The following GARIN2 variants were observed in gnomAD, a reference collection of about 807,000 sequenced individuals.
GARIN2 encodes the protein Golgi-associated RAB2 interactor protein 2.
chr14:67,195,639 ATATAT>A, the GARIN2 span, among the ~76,000 whole-genome samples: 3 of 152,040 alleles, frequency 2.0e-5, no homozygotes, highest in African/African-American at 7.3e-5. Context: ...CAATTATAAG[ATATAT>A]TATTATTTTA....
the GARIN2 span, among the ~76,000 whole-genome samples, chr14:67,206,767 G>A: frequency 6.6e-6 from 1 of 151,784 alleles, no homozygotes; most frequent in Non-Finnish European, 1.5e-5. Flanking sequence ...GTCTCACTCC[G>A]TTGCCCAGGC....
the GARIN2 span, among the ~76,000 whole-genome samples, chr14:67,202,225 G>A: frequency 8.5e-5 from 13 of 152,320 alleles, no homozygotes; most frequent in South Asian, 2.1e-4. Flanking sequence ...TGGATCACCC[G>A]AGGTCAGGAG....
chr14:67,210,570 T>C, the GARIN2 span, among the ~76,000 whole-genome samples: 1 of 152,168 alleles, frequency 6.6e-6, no homozygotes, highest in Non-Finnish European at 1.5e-5. Context: ...TTGGGCATAG[T>C]TGATGATAAA....
chr14:67,227,823 G>A, the GARIN2 span: 1 of 152,104 alleles, frequency 6.6e-6, no homozygotes, highest in Non-Finnish European at 1.5e-5. Flanking sequence ...CATCCTGAAT[G>A]GACAGGTTTT....
the GARIN2 span, among the ~76,000 whole-genome samples, chr14:67,192,845 T>G: frequency 7.5e-5 from 11 of 146,266 alleles, no homozygotes; most frequent in Non-Finnish European, 1.5e-4. Context: ...TATATATCTA[T>G]ATATAGATAT....
At chr14:67,216,254 C>A in the GARIN2 span, among the ~76,000 whole-genome samples, 1 of 152,054 alleles carries the variant, frequency 6.6e-6, no homozygotes, top group Non-Finnish European at 1.5e-5. Context: ...AGGATTTTGT[C>A]ATCTATATTC....
chr14:67,205,239 T>A, the GARIN2 span: 1 of 773,654 alleles, frequency 1.3e-6, no homozygotes, highest in Non-Finnish European at 2.0e-6. Context: ...AGATTAAATC[T>A]CTGAACCCTG....
the GARIN2 span, among the ~76,000 whole-genome samples, chr14:67,225,968 CGCGCGCGTGCGCAT>C: frequency 2.1e-3 from 164 of 78,922 alleles, no homozygotes; most frequent in African/African-American, 6.3e-3. Context: ...TGTGTGCGCG[CGCGCGCGTGCGCAT>C]GCGCGTGCAT....
the GARIN2 span, among the ~76,000 whole-genome samples, chr14:67,225,443 G>A: frequency 6.6e-6 from 1 of 152,158 alleles, no homozygotes; most frequent in South Asian, 2.1e-4. Context: ...TCCATCATGG[G>A]TCAAAAGATA....
chr14:67,198,419 G>C, the GARIN2 span: 1 of 1,152,862 alleles, frequency 8.7e-7, no homozygotes, highest in Non-Finnish European at 1.2e-6. Flanking sequence ...TAAATGTGCC[G>C]AGGGAATGTG....
chr14:67,209,144 CAAAAATATTTATGAGCACTTCCTATG>C, the GARIN2 span, among the ~76,000 whole-genome samples: 1 of 152,134 alleles, frequency 6.6e-6, no homozygotes. Flanking sequence ...GTGATTCACT[CAAAAATATTTATGAGCACTTCCTATG>C]CACTAGGCAT....
At chr14:67,225,219 A>C in the GARIN2 span, 2 of 1,529,628 alleles carry the variant, frequency 1.3e-6, no homozygotes, top group Non-Finnish European at 8.7e-7. Context: ...GAAAAGTAAA[A>C]CAGAAAAAGA....
chr14:67,224,134 C>T, the GARIN2 span, among the ~76,000 whole-genome samples: 2 of 152,210 alleles, frequency 1.3e-5, no homozygotes, highest in East Asian at 3.9e-4. Context: ...TTTTTTTCTC[C>T]TTTTCTGCAT....
chr14:67,204,491 C>T, the GARIN2 span: 1 of 1,540,954 alleles, frequency 6.5e-7, no homozygotes, highest in East Asian at 2.3e-5. Context: ...TTTTTATAAG[C>T]CTCCCATCAG....
chr14:67,206,117 G>A, the GARIN2 span, among the ~76,000 whole-genome samples: 6 of 152,166 alleles, frequency 3.9e-5, no homozygotes, highest in Non-Finnish European at 8.8e-5. Flanking sequence ...CTTGGAGGCA[G>A]AAGGTGCAGT....
chr14:67,205,424 G>A, the GARIN2 span, among the ~76,000 whole-genome samples: 11 of 152,148 alleles, frequency 7.2e-5, no homozygotes, highest in South Asian at 1.9e-3. Flanking sequence ...GAATCCACAT[G>A]AGCCTCAGTT....
chr14:67,198,211 C>G, the GARIN2 span: 2 of 1,613,884 alleles, frequency 1.2e-6, no homozygotes, highest in Non-Finnish European at 1.7e-6. Context: ...AAGCAAGATG[C>G]TCTCTGCACC....
the GARIN2 span, chr14:67,198,383 T>C: frequency 6.9e-7 from 1 of 1,442,806 alleles, no homozygotes; most frequent in East Asian, 2.3e-5. Context: ...CAAAGAAAAC[T>C]GAAAAGGATG....
chr14:67,200,105 TG>T, the GARIN2 span: 1 of 1,035,208 alleles, frequency 9.7e-7, no homozygotes, highest in Non-Finnish European at 1.4e-6. Context: ...CCTCCTCCAA[TG>T]GGCATGCCCC....
Sources: allele counts gnomAD v4.1 joint callset (sites outside exome capture counted in the v4.1 genomes callset), GRCh38; gene constraint gnomAD v4.1.1; transcripts MANE v1.5; gene names NCBI Gene and HGNC (gene_info 2026-07-23, HGNC 2026-07-21).